The following ASCC2 variants were observed in gnomAD, a reference collection of about 807,000 sequenced individuals.
ASCC2 encodes the protein activating signal cointegrator 1 complex subunit 2.
Under a neutral mutation model 93.5 loss-of-function variants are expected in ASCC2, and 42 were observed. The ratio of observed to expected loss-of-function variants is 0.45; its 90% CI spans 0.35 to 0.58. ASCC2 has a LOEUF of 0.58. ASCC2 is among the 20% of genes least tolerant of loss of function. ASCC2 has a pLI of 0.00. For synonymous variants in ASCC2, 364 were observed against 384.2 expected, an observed-to-expected ratio of 0.95 and a Z score of 0.62; for missense variants, 859 against 977.6, an observed-to-expected ratio of 0.88 and a Z score of 1.62.
At chr22:29,817,323 C>A (rs891228255) in intron 5 of ASCC2, among the ~76,000 whole-genome samples, 4 of 152,088 alleles carry the variant, frequency 2.6e-5, no homozygotes, top group Non-Finnish European at 5.9e-5. Context: ...CTAAAAAAAA[C>A]CCTCAAGATT....
intron 13 of ASCC2, among the ~76,000 whole-genome samples, chr22:29,802,508 A>T (rs1302790703): frequency 1.3e-5 from 2 of 152,210 alleles, no homozygotes; most frequent in African/African-American, 2.4e-5. Flanking sequence ...AAAAAAATAA[A>T]AAAAATTTAA....
intron 2 of ASCC2, among the ~76,000 whole-genome samples, chr22:29,828,079 C>T (rs1332243482): frequency 6.6e-6 from 1 of 152,164 alleles, no homozygotes; most frequent in Non-Finnish European, 1.5e-5. Context: ...TCAAACCTGG[C>T]AGAGGGACTG....
chr22:29,793,288 C>T, intron 17 of ASCC2, 72 bp downstream of exon 17: 1 of 1,591,914 alleles, frequency 6.3e-7, no homozygotes, highest in East Asian at 2.2e-5. Flanking sequence ...TCTGTGTAAA[C>T]AAGTGGGTGA....
At chr22:29,829,876 A>G (rs2062907778) in intron 2 of ASCC2, among the ~76,000 whole-genome samples, 1 of 152,170 alleles carries the variant, frequency 6.6e-6, no homozygotes, top group Admixed American at 6.5e-5. Flanking sequence ...TAGATCCTCA[A>G]CCAACATTAG....
At chr22:29,799,790 C>G (rs919766435) in intron 15 of ASCC2, among the ~76,000 whole-genome samples, 1 of 152,066 alleles carries the variant, frequency 6.6e-6, no homozygotes, top group African/African-American at 2.4e-5. Flanking sequence ...GGTGAACTCT[C>G]TTATTTTTTT....
chr22:29,825,720 T>C lies in ASCC2; in HGVS notation c.142A>G (p.Ile48Val). 1 of 1,614,242 alleles carries C rather than the reference T, an allele frequency of 6.2e-7. No homozygotes were observed. Among genetic ancestry groups the C allele is most frequent in the Non-Finnish European group, 8.5e-7 (1 of 1,180,036 alleles). ...AGGTACTCCTCCACTAGGGCGGGAA[T>C]GTTGTCTTTAGGGGGCGGTTTGTAT... is the stretch of plus-strand genomic sequence containing the variant. ...VLYKPPPKDNIPALVEEYLER... is the reference protein window; with the variant it reads ...VLYKPPPKDNVPALVEEYLER... Residue 48 changes from isoleucine (I) to valine (V), a missense_variant, in exon 3 of 20, where the codon ATT becomes GTT. Transcript: ENST00000307790. The surrounding 1 kb of genome is among the most constrained non-coding windows in gnomAD (Gnocchi z 4.9).
At chr22:29,799,721 T>C (rs1450995633) in intron 15 of ASCC2, among the ~76,000 whole-genome samples, 1 of 152,256 alleles carries the variant, frequency 6.6e-6, no homozygotes, top group Non-Finnish European at 1.5e-5. Context: ...TTGGATGTTG[T>C]ACTCTTTACC....
At chr22:29,838,052 G>T (rs1218259887) in intron 1 of ASCC2, 126 bp downstream of exon 1, 2 of 412,976 alleles carry the variant, frequency 4.8e-6, no homozygotes, top group Non-Finnish European at 9.6e-6. Flanking sequence ...CAACCCCTCA[G>T]GTAGCGTAAG....
intron 18 of ASCC2, among the ~76,000 whole-genome samples, chr22:29,791,166 A>G (rs2057692302): frequency 6.6e-6 from 1 of 152,106 alleles, no homozygotes; most frequent in African/African-American, 2.4e-5. Context: ...ACTTGAGTCC[A>G]GGAGTTTGAG....
intron 8 of ASCC2, 88 bp downstream of exon 8, chr22:29,813,342 C>CAGTAAATATTTGTTAAATG (rs1345864467): frequency 2.1e-6 from 2 of 971,192 alleles, no homozygotes; most frequent in Non-Finnish European, 1.6e-6. Flanking sequence ...TCTAAGCACC[C>CAGTAAATATTTGTTAAATG]AGTAAATATT....
chr22:29,806,079 A>C lies in ASCC2; in HGVS notation c.1160+137T>G, dbSNP rs1335085025. On this transcript the variant is annotated intron_variant, in intron 12 of 19. Transcript: ENST00000307790. ...GAAAAGGCAAGGCTGGGACCTTGGC[A>C]GGCCACCTCGGACAGCTGGCTGACC... The C allele has an allele frequency of 1.8e-5, 16 of 891,662 alleles. No homozygotes were observed. In the Admixed American group the frequency reaches 3.3e-4, roughly 18 times the overall value. 55.2% of individuals were successfully genotyped at this position (891,662 alleles called of 1,614,324 possible). A position where few individuals can be genotyped will look rare whatever the true frequency, so the allele number is the denominator to read the frequency against.
chr22:29,794,192 A>G (rs2058132703), intron 15 of ASCC2, among the ~76,000 whole-genome samples: 1 of 149,242 alleles, frequency 6.7e-6, no homozygotes, highest in Admixed American at 6.7e-5. Context: ...GCCAAGAGCC[A>G]CTGTTAAAAG....
intron 1 of ASCC2, among the ~76,000 whole-genome samples, chr22:29,836,961 TG>T (rs1273958175): frequency 1.3e-5 from 2 of 152,198 alleles, no homozygotes; most frequent in Admixed American, 1.3e-4. Flanking sequence ...ACAGTCATAA[TG>T]GGGAAAGACA....
intron 15 of ASCC2, among the ~76,000 whole-genome samples, chr22:29,800,183 G>C (rs2058917845): frequency 6.6e-6 from 1 of 152,146 alleles, no homozygotes; most frequent in South Asian, 2.1e-4. Context: ...CTGTTGCTCT[G>C]CTTGGGAAGC....
chr22:29,816,985 G>A (rs566343711), intron 5 of ASCC2, among the ~76,000 whole-genome samples: 51 of 152,348 alleles, frequency 3.3e-4, no homozygotes, highest in Non-Finnish European at 1.3e-4. Flanking sequence ...GGGCAGGTCT[G>A]TCCTTGGTTT....
rs373063020 is a variant in ASCC2, at chr22:29,804,849, G to A, written c.1161-19C>T. The A allele has an allele frequency of 2.5e-6, 4 of 1,612,428 alleles. No individual in the cohort carries two copies. In the South Asian group the frequency reaches 3.3e-5, roughly 13 times the overall value. Reference sequence around the variant, plus strand: ...CTCGTCCCTGTGAGGACTTGTTAAGGGGTCTGTCTTAAGCTCCTAGCTCTG... The same window carrying A: ...CTCGTCCCTGTGAGGACTTGTTAAGAGGTCTGTCTTAAGCTCCTAGCTCTG... On this transcript the variant is annotated intron_variant, in intron 12 of 19. Transcript: ENST00000307790.
intron 5 of ASCC2, among the ~76,000 whole-genome samples, chr22:29,817,875 A>C (rs1205826395): frequency 1.3e-5 from 2 of 152,184 alleles, no homozygotes; most frequent in Non-Finnish European, 2.9e-5. Context: ...GCAGTTCAGA[A>C]ACCCAGGGTG....
chr22:29,821,855 C>T, intron 5 of ASCC2: 1 of 371,106 alleles, frequency 2.7e-6, no homozygotes, highest in Non-Finnish European at 5.3e-6. Flanking sequence ...TTTAATTCGC[C>T]AGGCATGGTG....
Position 29,789,117 on chromosome 22 carries a change from TTG to T in ASCC2, c.2168_2169del (p.Thr723AsnfsTer162). On this transcript the variant is annotated frameshift_variant, in exon 20 of 20. Coordinates refer to ENST00000307790, the MANE Select transcript of ASCC2 (RefSeq NM_032204.5). LOFTEE classifies it high-confidence loss of function. ...SPRGHGQSRE[T>X]TQERRKKEAN... is the part of the protein sequence containing the mutation. ...GCTTCCTTCTTCCTGCGTTCCTGGGTTGTCTCGCGGCTCTGCCCATGGCCTCG... is the reference window on the plus strand; with the variant it reads ...GCTTCCTTCTTCCTGCGTTCCTGGGTTCTCGCGGCTCTGCCCATGGCCTCG... 1 of 1,614,138 alleles carries T rather than the reference TTG, an allele frequency of 6.2e-7. No homozygotes were observed. Among genetic ancestry groups the T allele is most frequent in the South Asian group, 1.1e-5 (1 of 91,084 alleles).
Sources: allele counts gnomAD v4.1 joint callset (sites outside exome capture counted in the v4.1 genomes callset), GRCh38; gene constraint gnomAD v4.1.1; non-coding constraint Gnocchi (gnomAD v3.1); transcripts MANE v1.5; gene names NCBI Gene and HGNC (gene_info 2026-07-23, HGNC 2026-07-21).